Variants in CCSER1 observed in about 807,000 individuals in gnomAD.
CCSER1 encodes coiled-coil serine rich protein 1, also known as serine-rich coiled-coil domain-containing protein 1.
CCSER1 carries 41 observed loss-of-function variants against 82.0 expected under a neutral mutation model. That is an observed-to-expected ratio of 0.50 (90% CI 0.39 to 0.65). CCSER1 has a LOEUF of 0.65. Ranked by LOEUF, CCSER1 falls within the 30% of genes least tolerant of loss-of-function variation. CCSER1 has a pLI of 0.00. For synonymous variants in CCSER1, 414 were observed against 383.9 expected (o/e 1.08, Z -0.92); for missense variants, 1,119 against 1,064.2 (o/e 1.05, Z -0.72).
chr4:91,366,272 C>T (rs1005662226), intron 10 of CCSER1, among the ~76,000 whole-genome samples: 6 of 152,140 alleles, frequency 3.9e-5, no homozygotes, highest in Non-Finnish European at 7.3e-5. Flanking sequence ...CCATCCGCCT[C>T]GGCCTCCCAA....
chr4:91,007,129 T>C lies in CCSER1; in HGVS notation c.2173-78821T>C, dbSNP rs34692139. On this transcript the variant is annotated intron_variant, in intron 9 of 10. Transcript: ENST00000509176. ...GTATCCCTAGTGTAAGTCCCACTTG[T>C]TGTGGGACTTTTTTACTGTGAGTGA... 4.7e-3 allele frequency among the ~76,000 whole-genome samples: 718 copies of C among 152,318 alleles called. 3 individuals carry two copies. Among genetic ancestry groups the C allele is most frequent in the Non-Finnish European group, 7.7e-3 (527 of 68,008 alleles).
chr4:90,836,215 A>G (rs770979628), intron 8 of CCSER1, among the ~76,000 whole-genome samples: 3 of 152,204 alleles, frequency 2.0e-5, no homozygotes, highest in Non-Finnish European at 2.9e-5. Flanking sequence ...CTTTTTAATA[A>G]TAACGACAAA....
intron 3 of CCSER1, among the ~76,000 whole-genome samples, chr4:90,349,774 G>T (rs774563414): frequency 3.3e-5 from 5 of 151,918 alleles, no homozygotes; most frequent in Non-Finnish European, 7.4e-5. Flanking sequence ...TCATTCTTGT[G>T]CTCAGAGCTG....
At chr4:91,534,297 CTAAT>C (rs1761188583) in intron 10 of CCSER1, among the ~76,000 whole-genome samples, 1 of 151,966 alleles carries the variant, frequency 6.6e-6, no homozygotes, top group South Asian at 2.1e-4. Context: ...ATTGATTTTG[CTAAT>C]TAAATTCTTT....
At chr4:90,895,796 G>A (rs949173553) in intron 8 of CCSER1, among the ~76,000 whole-genome samples, 1 of 151,844 alleles carries the variant, frequency 6.6e-6, no homozygotes. Flanking sequence ...GTCCTGGAGA[G>A]TAGTATATCA....
chr4:91,116,342 C>G (rs1726594189), intron 10 of CCSER1, among the ~76,000 whole-genome samples: 4 of 152,116 alleles, frequency 2.6e-5, no homozygotes, highest in African/African-American at 9.7e-5. Flanking sequence ...TCCAGGAACT[C>G]ACAGTGTGCC....
intron 10 of CCSER1, among the ~76,000 whole-genome samples, chr4:91,211,795 T>C (rs1044604444): frequency 3.0e-4 from 46 of 152,140 alleles, no homozygotes; most frequent in African/African-American, 1.1e-3. Context: ...CTGAGCTAAA[T>C]ATTGTTGTAG....
chr4:91,174,922 A>T (rs1456436758), intron 10 of CCSER1, among the ~76,000 whole-genome samples: 1 of 151,760 alleles, frequency 6.6e-6, no homozygotes, highest in African/African-American at 2.4e-5. Flanking sequence ...TGCCATACAC[A>T]TTAACTAGTC....
intron 10 of CCSER1, among the ~76,000 whole-genome samples, chr4:91,266,775 A>G (rs777422449): frequency 1.4e-4 from 22 of 152,222 alleles, no homozygotes; most frequent in Non-Finnish European, 2.4e-4. Context: ...GCTGATCCTT[A>G]TCTTACCGGA....
At chr4:90,403,505 A>G (rs1324394213) in intron 4 of CCSER1, among the ~76,000 whole-genome samples, 1 of 149,928 alleles carries the variant, frequency 6.7e-6, no homozygotes, top group African/African-American at 2.4e-5. Flanking sequence ...TCTCAAAAAA[A>G]AAAAAAAAAA....
At chr4:90,754,258 G>T (rs1749153460) in intron 7 of CCSER1, among the ~76,000 whole-genome samples, 1 of 152,004 alleles carries the variant, frequency 6.6e-6, no homozygotes, top group African/African-American at 2.4e-5. Flanking sequence ...CAGAAAACCT[G>T]TTTAATAAAT....
rs75817729 is a variant in CCSER1, at chr4:91,501,557, C to T, written c.2218-97015C>T. On this transcript the variant is annotated intron_variant, in intron 10 of 10. Transcript: ENST00000509176. ...TAATAGGACAGGTATTTATTTGTAT[C>T]TTTTCACTTATTCCTTATGTTTATC... is the stretch of plus-strand genomic sequence containing the variant. Among the ~76,000 whole-genome samples, 418 of 152,040 alleles carry T rather than the reference C, an allele frequency of 2.7e-3. 6 individuals carry two copies. Among genetic ancestry groups the T allele is most frequent in the Admixed American group, 0.02 (298 of 15,244 alleles).
intron 1 of CCSER1, among the ~76,000 whole-genome samples, chr4:90,256,367 C>G (rs949379715): frequency 6.6e-6 from 1 of 152,082 alleles, no homozygotes; most frequent in Non-Finnish European, 1.5e-5. Context: ...CTCATTTAAT[C>G]TATGGTAAAA....
chr4:91,070,603 G>A (rs1195165006), intron 9 of CCSER1, among the ~76,000 whole-genome samples: 1 of 152,184 alleles, frequency 6.6e-6, no homozygotes, highest in Non-Finnish European at 1.5e-5. Flanking sequence ...TGTGAGATCA[G>A]TGGCTGCATT....
intron 9 of CCSER1, among the ~76,000 whole-genome samples, chr4:90,932,291 TA>T (rs1729921147): frequency 6.6e-6 from 1 of 152,164 alleles, no homozygotes; most frequent in Non-Finnish European, 1.5e-5. Flanking sequence ...GGTTTGCCAT[TA>T]TTTTATGAGT....
intron 10 of CCSER1, among the ~76,000 whole-genome samples, chr4:91,570,941 C>A (rs1763145410): frequency 6.6e-6 from 1 of 152,136 alleles, no homozygotes; most frequent in Non-Finnish European, 1.5e-5. Flanking sequence ...CACTTTCCTG[C>A]TTAGAAATTC....
At chr4:90,923,813 G>T (rs756089551) in intron 9 of CCSER1, among the ~76,000 whole-genome samples, 13 of 152,144 alleles carry the variant, frequency 8.5e-5, no homozygotes, top group Non-Finnish European at 1.5e-4. Context: ...ATCACCAAAG[G>T]TGAAGCACAT....
chr4:91,483,781 CAA>C (rs577188656), intron 10 of CCSER1, among the ~76,000 whole-genome samples: 1 of 152,052 alleles, frequency 6.6e-6, no homozygotes, highest in Non-Finnish European at 1.5e-5. Context: ...TTATTTTTGT[CAA>C]GAGTAATTTA....
intron 9 of CCSER1, among the ~76,000 whole-genome samples, chr4:91,024,083 C>T (rs1740267213): frequency 6.6e-6 from 1 of 152,098 alleles, no homozygotes; most frequent in Non-Finnish European, 1.5e-5. Context: ...GTCTCTCTTC[C>T]TCTTATAAAG....
Sources: gnomAD v4.1 joint callset for allele counts (sites outside exome capture counted in the v4.1 genomes callset) on GRCh38, gnomAD v4.1.1 for gene constraint, MANE v1.5 for transcripts, NCBI Gene and HGNC (gene_info 2026-07-23, HGNC 2026-07-21) for gene names.